The following UNC45A variants were observed in gnomAD, a reference collection of about 807,000 sequenced individuals.
The protein encoded by UNC45A is protein unc-45 homolog A.
UNC45A carries 78 observed loss-of-function variants against 103.2 expected under a neutral mutation model. The ratio of observed to expected loss-of-function variants is 0.76; its 90% confidence interval spans 0.63 to 0.91. The LOEUF is 0.91. UNC45A is among the 40% of genes least tolerant of loss of function. The pLI, the probability that UNC45A is intolerant of heterozygous loss-of-function variation, is 0.00. For missense variants in UNC45A, 1,193 were observed against 1,224.8 expected (o/e 0.97, Z 0.39); for synonymous variants, 495 against 504.6 (o/e 0.98, Z 0.25).
chr15:90,953,265 G>A lies in UNC45A; in HGVS notation c.2532G>A (p.Met844Ile). Residue 844 changes from methionine to isoleucine, a missense_variant, in exon 19 of 20, where the codon ATG (methionine) becomes ATA (isoleucine). Transcript: ENST00000418476. Reference sequence around the variant, plus strand: ...GGGCAGCTGCCGGGGGCTTGGCCATGCTTACCTCCATGCGGCCCACGCTCT... The same window carrying A: ...GGGCAGCTGCCGGGGGCTTGGCCATACTTACCTCCATGCGGCCCACGCTCT... Reference protein sequence around the residue: ...LQRAAAGGLAMLTSMRPTLCS... With the variant: ...LQRAAAGGLAILTSMRPTLCS... 1 of 1,613,416 alleles carries A rather than the reference G, an allele frequency of 6.2e-7. No individual in the cohort carries two copies. The highest frequency in any genetic ancestry group is 1.7e-5 in the Admixed American group (1 of 60,000).
rs770939413 is a variant in UNC45A, at chr15:90,936,471, G to C, written c.426+11G>C. ...CAGATTCAGGAGAAGGTATGTGAGT[G>C]ACCCAGAGAGGTGGAAGCATTGACT... On this transcript the variant is annotated intron_variant, in intron 4 of 19. Coordinates refer to ENST00000418476, the MANE Select transcript of UNC45A (RefSeq NM_018671.5). The C allele has an allele frequency of 3.7e-6, 6 of 1,613,134 alleles. No individual in the cohort carries two copies. The Admixed American group carries it at 1.0e-4, about 27-fold the overall frequency.
intron 6 of UNC45A, among the ~76,000 whole-genome samples, chr15:90,942,051 T>C (rs552489910): frequency 6.0e-5 from 9 of 151,058 alleles, no homozygotes; most frequent in Non-Finnish European, 1.3e-4. Context: ...CCCCAGGGTG[T>C]GGAAAGAACC....
chr15:90,935,722 C>T lies in UNC45A; in HGVS notation c.213+17C>T. 6.5e-7 allele frequency: 1 copy of T among 1,542,102 alleles called. No individual in the cohort carries two copies. Among genetic ancestry groups the T allele is most frequent in the Non-Finnish European group, 8.7e-7 (1 of 1,146,596 alleles). ...CTCAAGCTGGTGAGGGAGCCTGGCG[C>T]TCTTCCCCTCGCCCGCCCGGGCCCC... On this transcript the variant is annotated intron_variant, in intron 2 of 19. Coordinates refer to ENST00000418476, the MANE Select transcript of UNC45A (RefSeq NM_018671.5).
chr15:90,951,242 T>A (rs1024841202), intron 17 of UNC45A, among the ~76,000 whole-genome samples: 4 of 152,212 alleles, frequency 2.6e-5, no homozygotes, highest in African/African-American at 9.6e-5. Context: ...CCTGACCTCG[T>A]GATCCGCCCA....
chr15:90,932,410 C>T, upstream of UNC45A: 3 of 1,320,518 alleles, frequency 2.3e-6, no homozygotes, highest in Non-Finnish European at 2.9e-6. Flanking sequence ...AGCCGGCGCT[C>T]CGCGGCCGAC....
intron 6 of UNC45A, chr15:90,941,031 G>A (rs745758218): frequency 6.6e-6 from 1 of 152,146 alleles, no homozygotes; most frequent in Non-Finnish European, 1.5e-5. Flanking sequence ...GATGAAGTGG[G>A]GTAGAAAGAG....
At chr15:90,952,837 A>G (rs1463963054) in intron 17 of UNC45A, 92 bp from the exon 18 acceptor site, 23 of 1,220,342 alleles carry the variant, frequency 1.9e-5, no homozygotes, top group Non-Finnish European at 2.5e-5. Flanking sequence ...ACCAGGCCCT[A>G]CCTCCAACAT....
At chr15:90,932,358 C>T (rs536683116), upstream of UNC45A, 16 of 947,726 alleles carry the variant, frequency 1.7e-5, no homozygotes, top group South Asian at 2.2e-5. Flanking sequence ...GAGGTGCACG[C>T]CCCCCACGTT....
Position 90,950,530 on chromosome 15 carries a change from C to G in UNC45A, c.2218C>G (p.Leu740Val). 1 of 1,614,158 alleles carries G rather than the reference C, an allele frequency of 6.2e-7. No individual in the cohort carries two copies. The highest frequency in any genetic ancestry group is 8.5e-7 in the Non-Finnish European group (1 of 1,180,036). ...IYEVVRPLVS[L>V]LHLNCSGLQN... ...TGAGGTGGTCCGGCCCCTCGTCTCC[C>G]TGTTGCACCTCAACTGCTCAGGCCT... The change falls in exon 17 of 20, where the codon CTG becomes GTG. Residue 740 changes from leucine to valine, a missense_variant. Leu to Val is a conservative substitution (Grantham distance 32). Transcript: ENST00000418476.
intron 6 of UNC45A, among the ~76,000 whole-genome samples, chr15:90,941,970 A>G (rs2036316051): frequency 6.6e-6 from 1 of 151,600 alleles, no homozygotes; most frequent in Non-Finnish European, 1.5e-5. Flanking sequence ...AAAAAAAAAA[A>G]AAAAAAGAAA....
At position 90,936,395 on chromosome 15, in the gene UNC45A, T is replaced by G; in HGVS notation, c.361T>G (p.Leu121Val). Residue 121 changes from leucine (L) to valine (V), a missense_variant, in exon 4 of 20, where the codon TTG becomes GTG. Transcript: ENST00000418476. ...AVLDLQRCVSLEPKNKVFQEA... is the reference protein window; with the variant it reads ...AVLDLQRCVSVEPKNKVFQEA... Reference sequence around the variant, plus strand: ...CCTTGACCTGCAGAGATGTGTGAGCTTGGAGCCCAAGAACAAAGTTTTCCA... The same window carrying G: ...CCTTGACCTGCAGAGATGTGTGAGCGTGGAGCCCAAGAACAAAGTTTTCCA... 6.2e-7 allele frequency: 1 copy of G among 1,614,184 alleles called. No individual in the cohort carries two copies. The highest frequency in any genetic ancestry group is 8.5e-7 in the Non-Finnish European group (1 of 1,180,040).
chr15:90,937,918 T>A (rs1402083660), intron 4 of UNC45A, among the ~76,000 whole-genome samples: 1 of 152,152 alleles, frequency 6.6e-6, no homozygotes, highest in Non-Finnish European at 1.5e-5. Flanking sequence ...CACTTCAGCC[T>A]CCCAAGTAGC....
chr15:90,933,860 C>G (rs2035889759), upstream of UNC45A: 2 of 393,308 alleles, frequency 5.1e-6, no homozygotes, highest in Non-Finnish European at 9.0e-6. Flanking sequence ...CAACAGGAGA[C>G]AGAAACCCAG....
chr15:90,952,309 C>T (rs1032150843), intron 17 of UNC45A: 2 of 152,476 alleles, frequency 1.3e-5, no homozygotes, highest in Admixed American at 6.5e-5. Flanking sequence ...TTGGCATTTG[C>T]TCAGCTTCTG....
upstream of UNC45A, chr15:90,932,653 T>C: frequency 1.7e-6 from 1 of 582,844 alleles, no homozygotes; most frequent in Non-Finnish European, 2.6e-6. Context: ...CGGGCCGAGT[T>C]GGGCCTGCCC....
rs750628902 is a variant in UNC45A, at chr15:90,940,371, T to C, written c.585T>C (p.Asn195=). ...DAGAEKIFRS[N]GVQLLQRLLD... ...GAGCGGAGAAGATCTTCCGGAGTAA[T>C]GGGGTTCAGCTCTTGCAACGTTTAC... is the stretch of plus-strand genomic sequence containing the variant. Residue 195 remains asparagine (N), a synonymous_variant, in exon 6 of 20, where the codon AAT becomes AAC. Coordinates refer to ENST00000418476, the MANE Select transcript of UNC45A (RefSeq NM_018671.5). 112 of 1,613,998 alleles carry C rather than the reference T, an allele frequency of 6.9e-5. No individual in the cohort carries two copies. The highest frequency in any genetic ancestry group is 9.2e-5 in the Non-Finnish European group (108 of 1,180,008).
At chr15:90,935,030 G>A (rs2035929235), upstream of UNC45A, 3 of 560,124 alleles carry the variant, frequency 5.4e-6, no homozygotes, top group South Asian at 6.5e-5. Context: ...TTCTGCTGCG[G>A]TCGGGGCCGG....
chr15:90,952,463 A>G (rs141683558), intron 17 of UNC45A: 1,875 of 154,586 alleles, frequency 0.012, 42 homozygotes, highest in African/African-American at 0.043. Context: ...TCTGTTGCCC[A>G]GGCTGGAGTG....
intron 17 of UNC45A, among the ~76,000 whole-genome samples, chr15:90,951,602 A>T (rs1286513617): frequency 1.3e-5 from 2 of 152,126 alleles, no homozygotes; most frequent in African/African-American, 4.8e-5. Context: ...TCCCTATTTA[A>T]AAAAGAAATT....
Sources: allele counts gnomAD v4.1 joint callset (sites outside exome capture counted in the v4.1 genomes callset), GRCh38; gene constraint gnomAD v4.1.1; transcripts MANE v1.5; gene names NCBI Gene and HGNC (gene_info 2026-07-23, HGNC 2026-07-21).